The following NNT variants were observed in gnomAD, a reference collection of about 807,000 sequenced individuals.
NNT encodes the protein nicotinamide nucleotide transhydrogenase, also known as NAD(P) transhydrogenase, mitochondrial.
A neutral mutation model predicts 104.8 loss-of-function variants in NNT; 50 were observed. The ratio of observed to expected loss-of-function variants is 0.48; its 90% confidence interval spans 0.38 to 0.60. The LOEUF (loss-of-function observed/expected upper bound fraction) is 0.60. NNT is among the 20% of genes least tolerant of loss of function. The pLI, the probability that NNT is intolerant of heterozygous loss-of-function variation, is 0.00. For synonymous variants in NNT, 461 were observed against 490.4 expected, an observed-to-expected ratio of 0.94 and a Z score of 0.79; for missense variants, 1,131 against 1,330.7, an observed-to-expected ratio of 0.85 and a Z score of 2.33.
chr5:43,655,259 A>G (rs554989851), intron 14 of NNT, among the ~76,000 whole-genome samples: 1 of 152,308 alleles, frequency 6.6e-6, no homozygotes, highest in Admixed American at 6.5e-5. Flanking sequence ...TGTGACGGGA[A>G]GAGGCACGCA....
At chr5:43,638,287 A>G (rs1751044893) in intron 7 of NNT, among the ~76,000 whole-genome samples, 3 of 152,136 alleles carry the variant, frequency 2.0e-5, no homozygotes, top group Admixed American at 2.0e-4. Context: ...GCAGCGTGAG[A>G]TCAGACTAAT....
At chr5:43,660,397 G>A (rs1487840443) in intron 17 of NNT, among the ~76,000 whole-genome samples, 1 of 151,990 alleles carries the variant, frequency 6.6e-6, no homozygotes, top group Non-Finnish European at 1.5e-5. Context: ...GCAAGAAGAT[G>A]TTCTGCAAAT....
At chr5:43,653,428 C>T (rs1379441261) in intron 14 of NNT, 2 of 498,690 alleles carry the variant, frequency 4.0e-6, no homozygotes, top group African/African-American at 3.8e-5. Context: ...ATCCTATACT[C>T]AATTCTTATC....
rs764787090 is a variant in NNT at position 43,659,192 on chromosome 5, A to G, written c.2476A>G (p.Ile826Val). Residue 826 changes from isoleucine (I) to valine (V), a missense_variant, in exon 17 of 22, where the codon ATT becomes GTT. Coordinates refer to ENST00000344920, the MANE Select transcript of NNT (RefSeq NM_182977.3). ...CTAGGGTGTGACTTTGACAGCTGCT[A>G]TTGGGGGTGCTGACATGCCCGTCGT... ...AVMGVTLTAA[I>V]GGADMPVVIT... 17 of 1,610,978 alleles carry G rather than the reference A, an allele frequency of 1.1e-5. No individual in the cohort carries two copies. Among genetic ancestry groups the G allele is most frequent in the East Asian group, 2.2e-5 (1 of 44,740 alleles).
At chr5:43,663,859 G>T (rs1471491497) in intron 17 of NNT, among the ~76,000 whole-genome samples, 1 of 152,166 alleles carries the variant, frequency 6.6e-6, no homozygotes. Flanking sequence ...ACACAAATTG[G>T]TTTGTTAAAT....
intron 7 of NNT, among the ~76,000 whole-genome samples, chr5:43,629,916 A>G (rs1236754796): frequency 6.6e-6 from 1 of 152,110 alleles, no homozygotes; most frequent in Non-Finnish European, 1.5e-5. Context: ...ATTTTCTCCC[A>G]TCCTGGGTTG....
In NNT at chr5:43,694,512, G is replaced by A. The variant is rs1010622688; in HGVS notation, c.2877-5607G>A. ...GAAGGGATATTGAATTTTATTGAAA[G>A]CATTTTCTGCATCTATTGAGATAAT... On this transcript the variant is annotated intron_variant, in intron 19 of 21. Coordinates refer to ENST00000344920, the MANE Select transcript of NNT (RefSeq NM_182977.3). 2.0e-5 allele frequency among the ~76,000 whole-genome samples: 3 copies of A among 152,152 alleles called. 1 individual carries two copies. The highest frequency in any genetic ancestry group is 4.1e-4 in the South Asian group (2 of 4,822).
intron 3 of NNT, among the ~76,000 whole-genome samples, chr5:43,614,964 C>T (rs986095880): frequency 2.0e-5 from 3 of 151,408 alleles, no homozygotes; most frequent in African/African-American, 7.3e-5. Context: ...GGTGAAACCC[C>T]GTCTCTACTA....
intron 3 of NNT, among the ~76,000 whole-genome samples, chr5:43,615,515 G>T (rs548829511): frequency 6.6e-6 from 1 of 152,276 alleles, no homozygotes; most frequent in African/African-American, 2.4e-5. Flanking sequence ...TTTTACCAGG[G>T]TAATAAGTTT....
chr5:43,646,220 A>G (rs1259952270), intron 10 of NNT, among the ~76,000 whole-genome samples: 3 of 152,190 alleles, frequency 2.0e-5, no homozygotes, highest in Non-Finnish European at 4.4e-5. Flanking sequence ...TAATATGCAG[A>G]CAATAAACAT....
chr5:43,622,191 A>T (rs758782662), intron 5 of NNT, among the ~76,000 whole-genome samples: 3 of 152,148 alleles, frequency 2.0e-5, no homozygotes, highest in Non-Finnish European at 4.4e-5. Flanking sequence ...TGGATTAGGG[A>T]TGATCTTTGG....
At chr5:43,684,243 G>A (rs183229733) in intron 19 of NNT, among the ~76,000 whole-genome samples, 2 of 150,628 alleles carry the variant, frequency 1.3e-5, no homozygotes, top group African/African-American at 4.9e-5. Flanking sequence ...TCTGAAGAAG[G>A]GAAGGCCATG....
At chr5:43,641,896 G>GT (rs1751260640) in intron 7 of NNT, among the ~76,000 whole-genome samples, 1 of 152,190 alleles carries the variant, frequency 6.6e-6, no homozygotes, top group South Asian at 2.1e-4. Flanking sequence ...CCACTGTACA[G>GT]TTGTTCTGTG....
At chr5:43,655,752 A>G (rs373104165) in intron 14 of NNT, 88 bp from the exon 15 acceptor site, 156 of 883,210 alleles carry the variant, frequency 1.8e-4, no homozygotes, top group East Asian at 1.6e-3. Flanking sequence ...ATTTGTGACA[A>G]TGGTGGAAAT....
chr5:43,673,240 G>A (rs1741226938), intron 17 of NNT, among the ~76,000 whole-genome samples: 1 of 152,188 alleles, frequency 6.6e-6, no homozygotes, highest in African/African-American at 2.4e-5. Context: ...CCCAGGTGAG[G>A]CAATGCCTCG....
At position 43,682,572 on chromosome 5, in the gene NNT, A is replaced by G. The variant is rs75815013; in HGVS notation, c.2876+4766A>G. Among the ~76,000 whole-genome samples, 641 of 152,260 alleles carry G rather than the reference A, an allele frequency of 4.2e-3. 3 individuals carry two copies. Among genetic ancestry groups the G allele is most frequent in the Middle Eastern group, 0.01 (3 of 294 alleles). On this transcript the variant is annotated intron_variant, in intron 19 of 21. Transcript: ENST00000344920. Reference sequence around the variant, plus strand: ...GATAAACAAAGTCCAGCCTTCTTGGATTTGTTATGTTTTTGGGTGGAGGAA... The same window carrying G: ...GATAAACAAAGTCCAGCCTTCTTGGGTTTGTTATGTTTTTGGGTGGAGGAA...
chr5:43,674,399 A>G (rs1488622004), intron 17 of NNT, among the ~76,000 whole-genome samples: 2 of 151,994 alleles, frequency 1.3e-5, no homozygotes, highest in African/African-American at 2.4e-5. Flanking sequence ...AGTTGTCTCG[A>G]TGTGGTACTT....
intron 16 of NNT, 40 bp from the exon 17 acceptor site, chr5:43,659,131 A>G: frequency 6.6e-7 from 1 of 1,510,816 alleles, no homozygotes; most frequent in Non-Finnish European, 8.9e-7. Flanking sequence ...TTTTATTTTT[A>G]TGTTATTAAT....
chr5:43,623,415 G>A (rs531025979), intron 5 of NNT, among the ~76,000 whole-genome samples: 1 of 152,088 alleles, frequency 6.6e-6, no homozygotes, highest in Admixed American at 6.5e-5. Flanking sequence ...GAATTTTTTG[G>A]TTCTCTTGTT....
Sources: gnomAD v4.1 joint callset for allele counts (sites outside exome capture counted in the v4.1 genomes callset) on GRCh38, gnomAD v4.1.1 for gene constraint, MANE v1.5 for transcripts, NCBI Gene and HGNC (gene_info 2026-07-23, HGNC 2026-07-21) for gene names.